RARB: variants seen among roughly 807,000 people sequenced by gnomAD.
RARB encodes the protein HBV-activated protein.
Under a neutral mutation model 51.9 loss-of-function variants are expected in RARB, and 17 were observed. The ratio of observed to expected loss-of-function variants is 0.33; its 90% CI spans 0.22 to 0.49. The LOEUF (loss-of-function observed/expected upper bound fraction) is 0.49. Ranked by LOEUF, RARB falls within the 20% of genes least tolerant of loss-of-function variation. RARB has a pLI of 0.99. For missense variants in RARB, 369 were observed against 550.8 expected, an observed-to-expected ratio of 0.67 and a Z score of 3.30; for synonymous variants, 215 against 195.4, an observed-to-expected ratio of 1.10 and a Z score of -0.84.
intron 3 of RARB, among the ~76,000 whole-genome samples, chr3:25,092,284 A>T (rs961390225): frequency 2.0e-5 from 3 of 152,198 alleles, no homozygotes; most frequent in Non-Finnish European, 4.4e-5. Flanking sequence ...TTGAGAACAG[A>T]ATGGCAAAGC....
chr3:25,277,495 A>G (rs1339779676), intron 5 of RARB, among the ~76,000 whole-genome samples: 1 of 152,202 alleles, frequency 6.6e-6, no homozygotes, highest in Non-Finnish European at 1.5e-5. Context: ...CTCAGAGAAC[A>G]GTTTGCAAAT....
intron 3 of RARB, among the ~76,000 whole-genome samples, chr3:25,116,845 A>G (rs530259518): frequency 6.6e-5 from 10 of 152,218 alleles, no homozygotes; most frequent in Middle Eastern, 6.8e-3. Flanking sequence ...TAGGTGATTC[A>G]TGACAACTGA....
chr3:25,038,931 G>T (rs967922322), intron 2 of RARB, among the ~76,000 whole-genome samples: 4 of 152,158 alleles, frequency 2.6e-5, no homozygotes, highest in Non-Finnish European at 5.9e-5. Context: ...TGTTCTATTA[G>T]GGATTTGCTT....
chr3:24,928,819 T>C (rs1047995033), intron 2 of RARB, among the ~76,000 whole-genome samples: 2 of 152,216 alleles, frequency 1.3e-5, no homozygotes, highest in Non-Finnish European at 1.5e-5. Flanking sequence ...TCATGGATTA[T>C]ATGCAGTGAT....
intron 3 of RARB, among the ~76,000 whole-genome samples, chr3:25,552,431 T>C (rs1376024787): frequency 6.6e-6 from 1 of 151,610 alleles, no homozygotes; most frequent in Non-Finnish European, 1.5e-5. Flanking sequence ...TCTTGCTGAC[T>C]GTGCTTTGGT....
intron 4 of RARB, among the ~76,000 whole-genome samples, chr3:25,137,553 T>A (rs1700049624): frequency 6.6e-6 from 1 of 152,112 alleles, no homozygotes; most frequent in South Asian, 2.1e-4. Flanking sequence ...GTAGAAAATT[T>A]TCTTATTTTC....
chr3:25,297,296 A>C (rs947951395), intron 5 of RARB, among the ~76,000 whole-genome samples: 1 of 152,142 alleles, frequency 6.6e-6, no homozygotes, highest in South Asian at 2.1e-4. Flanking sequence ...TAACTGAAAC[A>C]TAGAATTAGA....
intron 2 of RARB, among the ~76,000 whole-genome samples, chr3:25,479,391 C>G (rs1292531703): frequency 6.6e-6 from 1 of 152,084 alleles, no homozygotes; most frequent in African/African-American, 2.4e-5. Flanking sequence ...ATTATGCAGT[C>G]CATGCCTGTC....
chr3:24,875,918 T>G (rs1009600760), intron 2 of RARB, among the ~76,000 whole-genome samples: 4 of 152,120 alleles, frequency 2.6e-5, no homozygotes, highest in Admixed American at 2.6e-4. Context: ...TCCTTCAAGG[T>G]CTTCACACTT....
At chr3:24,978,249 C>T (rs962671027) in intron 2 of RARB, among the ~76,000 whole-genome samples, 26 of 152,170 alleles carry the variant, frequency 1.7e-4, no homozygotes, top group Non-Finnish European at 3.1e-4. Context: ...GTTTTGGAAT[C>T]AGGATGACGC....
At chr3:25,187,955 G>A (rs970282266) in intron 5 of RARB, among the ~76,000 whole-genome samples, 2 of 152,002 alleles carry the variant, frequency 1.3e-5, no homozygotes, top group African/African-American at 4.8e-5. Flanking sequence ...CTAATAAGAG[G>A]TGACTGATTA....
At chr3:25,257,350 G>A (rs2125405002) in intron 5 of RARB, among the ~76,000 whole-genome samples, 1 of 152,160 alleles carries the variant, frequency 6.6e-6, no homozygotes, top group Middle Eastern at 3.4e-3. Flanking sequence ...ATTGCAAACA[G>A]CCTTGCAGAA....
intron 2 of RARB, among the ~76,000 whole-genome samples, chr3:24,968,226 T>G (rs1194122011): frequency 1.3e-5 from 2 of 152,156 alleles, no homozygotes; most frequent in African/African-American, 4.8e-5. Flanking sequence ...ATCTGCCACA[T>G]TGTCCAAAGT....
chr3:24,986,450 T>C (rs1239087371), intron 2 of RARB, among the ~76,000 whole-genome samples: 2 of 152,244 alleles, frequency 1.3e-5, no homozygotes, highest in Admixed American at 1.3e-4. Flanking sequence ...GGTAAATTCT[T>C]GCTAGAGTTT....
chr3:25,507,101 C>T (rs1356254240), intron 3 of RARB, among the ~76,000 whole-genome samples: 6 of 152,220 alleles, frequency 3.9e-5, no homozygotes, highest in South Asian at 2.1e-4. Context: ...CTCCATGAAC[C>T]GCAAACTTAT....
chr3:24,943,465 T>G (rs2125401368), intron 2 of RARB, among the ~76,000 whole-genome samples: 1 of 152,288 alleles, frequency 6.6e-6, no homozygotes, highest in East Asian at 1.9e-4. Flanking sequence ...CAATGTTGAT[T>G]GTGGGCCATA....
At chr3:25,430,389 C>G (rs1407223856) in intron 1 of RARB, among the ~76,000 whole-genome samples, 1 of 152,138 alleles carries the variant, frequency 6.6e-6, no homozygotes, top group Non-Finnish European at 1.5e-5. Context: ...CTGTTGGAAT[C>G]CCAGGGAACT....
intron 5 of RARB, among the ~76,000 whole-genome samples, chr3:25,274,655 G>A (rs1341993596): frequency 2.6e-5 from 4 of 152,076 alleles, no homozygotes; most frequent in Admixed American, 1.3e-4. Flanking sequence ...TTTTTTTGTA[G>A]GTCAGCCTGG....
At chr3:25,566,667 T>A (rs1700508306) in intron 3 of RARB, among the ~76,000 whole-genome samples, 1 of 152,148 alleles carries the variant, frequency 6.6e-6, no homozygotes, top group Non-Finnish European at 1.5e-5. Context: ...GTCTCCTCTC[T>A]CCTGGTAACC....
Sources: gnomAD v4.1 joint callset for allele counts (sites outside exome capture counted in the v4.1 genomes callset) on GRCh38, gnomAD v4.1.1 for gene constraint, MANE v1.5 for transcripts, NCBI Gene and HGNC (gene_info 2026-07-23, HGNC 2026-07-21) for gene names.